The following GRID2 variants were observed in gnomAD, a reference collection of about 807,000 sequenced individuals.
The protein encoded by GRID2 is glutamate receptor ionotropic, delta-2.
Under a neutral mutation model 114.8 loss-of-function variants are expected in GRID2, and 33 were observed. That is an observed-to-expected ratio of 0.29 (90% CI 0.22 to 0.38). The LOEUF (loss-of-function observed/expected upper bound fraction) is 0.38. Ranked by LOEUF, GRID2 falls within the 10% of genes least tolerant of loss-of-function variation. GRID2 has a pLI of 1.00. For synonymous variants in GRID2, 505 were observed against 449.9 expected (o/e 1.12, Z -1.55); for missense variants, 1,184 against 1,257.7 (o/e 0.94, Z 0.89).
At chr4:93,680,541 C>G (rs1725413861) in intron 14 of GRID2, among the ~76,000 whole-genome samples, 1 of 151,418 alleles carries the variant, frequency 6.6e-6, no homozygotes, top group Admixed American at 6.6e-5. Flanking sequence ...AAAATACTGG[C>G]AAACCGAATC....
At chr4:92,613,965 A>G (rs746127763) in intron 2 of GRID2, among the ~76,000 whole-genome samples, 3 of 151,538 alleles carry the variant, frequency 2.0e-5, no homozygotes, top group Non-Finnish European at 4.4e-5. Flanking sequence ...GTTGAGATAC[A>G]TATAATATAT....
chr4:92,574,800 T>TG (rs1278037986), intron 1 of GRID2, among the ~76,000 whole-genome samples: 1 of 152,144 alleles, frequency 6.6e-6, no homozygotes, highest in African/African-American at 2.4e-5. Context: ...TTATGTGTCT[T>TG]GGGGATGATC....
At chr4:92,913,388 G>A (rs1160039984) in intron 2 of GRID2, among the ~76,000 whole-genome samples, 3 of 151,820 alleles carry the variant, frequency 2.0e-5, no homozygotes, top group Non-Finnish European at 4.4e-5. Context: ...TTATTGTTAC[G>A]TTTTTGTCTG....
intron 8 of GRID2, among the ~76,000 whole-genome samples, chr4:93,337,951 C>T (rs1490696478): frequency 6.6e-6 from 1 of 152,168 alleles, no homozygotes; most frequent in Non-Finnish European, 1.5e-5. Flanking sequence ...TAGTCCCTCT[C>T]CTCAGAAGTA....
intron 2 of GRID2, among the ~76,000 whole-genome samples, chr4:93,037,777 C>G (rs1321050020): frequency 6.6e-6 from 1 of 152,114 alleles, no homozygotes; most frequent in Non-Finnish European, 1.5e-5. Context: ...TCTGAGGCCT[C>G]TGTTCTGTTC....
chr4:93,191,067 A>G (rs1340558020), intron 4 of GRID2, among the ~76,000 whole-genome samples: 2 of 152,118 alleles, frequency 1.3e-5, no homozygotes, highest in Non-Finnish European at 2.9e-5. Context: ...AAAATTTCAG[A>G]TAAAGTTGAT....
intron 12 of GRID2, among the ~76,000 whole-genome samples, chr4:93,512,674 A>G (rs1210937276): frequency 6.6e-6 from 1 of 152,190 alleles, no homozygotes. Context: ...TGCTATTCTA[A>G]ACTTGAAGTA....
intron 2 of GRID2, among the ~76,000 whole-genome samples, chr4:92,873,080 T>C (rs931283740): frequency 6.6e-6 from 1 of 152,136 alleles, no homozygotes; most frequent in African/African-American, 2.4e-5. Flanking sequence ...AATAAAGAAA[T>C]TGGACTATGA....
At chr4:92,440,833 A>G (rs1163786008) in intron 1 of GRID2, among the ~76,000 whole-genome samples, 1 of 152,166 alleles carries the variant, frequency 6.6e-6, no homozygotes, top group African/African-American at 2.4e-5. Flanking sequence ...GGTATCAGGA[A>G]TAATGTGGGA....
At chr4:93,381,580 T>C (rs796811709) in intron 8 of GRID2, among the ~76,000 whole-genome samples, 2 of 152,252 alleles carry the variant, frequency 1.3e-5, no homozygotes, top group African/African-American at 2.4e-5. Context: ...ATATTTTCTA[T>C]AGCTATTACA....
intron 2 of GRID2, among the ~76,000 whole-genome samples, chr4:92,730,781 C>A (rs1736293410): frequency 6.6e-6 from 1 of 151,834 alleles, no homozygotes; most frequent in African/African-American, 2.4e-5. Flanking sequence ...TTGGCTGGTG[C>A]AAGCGAATAA....
At chr4:92,439,033 G>A (rs1440960758) in intron 1 of GRID2, among the ~76,000 whole-genome samples, 2 of 152,104 alleles carry the variant, frequency 1.3e-5, no homozygotes, top group African/African-American at 2.4e-5. Context: ...GGGGGCAGGT[G>A]GGCTGAGTCC....
intron 1 of GRID2, among the ~76,000 whole-genome samples, chr4:92,447,062 T>G (rs561789034): frequency 6.6e-6 from 1 of 152,300 alleles, no homozygotes; most frequent in Non-Finnish European, 1.5e-5. Flanking sequence ...TTTATCCTCT[T>G]TAAAAGTACT....
intron 2 of GRID2, among the ~76,000 whole-genome samples, chr4:92,993,291 T>TA (rs576389929): frequency 4.9e-3 from 693 of 140,786 alleles, no homozygotes; most frequent in African/African-American, 7.0e-3. Context: ...ATAGTAGCAT[T>TA]AAAAAAAAAA....
intron 2 of GRID2, among the ~76,000 whole-genome samples, chr4:92,759,057 A>G (rs945188355): frequency 4.6e-5 from 7 of 152,186 alleles, no homozygotes; most frequent in African/African-American, 1.4e-4. Context: ...GATGTCCACA[A>G]ATAAAAGTAA....
chr4:93,307,261 T>G (rs1411815393), intron 8 of GRID2, among the ~76,000 whole-genome samples: 1 of 151,466 alleles, frequency 6.6e-6, no homozygotes, highest in Non-Finnish European at 1.5e-5. Flanking sequence ...AAATAACCTA[T>G]TGTGGTATTG....
At chr4:92,485,812 A>C (rs1722858726) in intron 1 of GRID2, among the ~76,000 whole-genome samples, 1 of 152,162 alleles carries the variant, frequency 6.6e-6, no homozygotes, top group African/African-American at 2.4e-5. Flanking sequence ...GCTCTGCATT[A>C]ATTTTATGTT....
chr4:93,664,771 T>A (rs879509097), intron 14 of GRID2, among the ~76,000 whole-genome samples: 1 of 152,172 alleles, frequency 6.6e-6, no homozygotes, highest in African/African-American at 2.4e-5. Context: ...TCTTGGGCAT[T>A]AACTCAGCAC....
intron 14 of GRID2, among the ~76,000 whole-genome samples, chr4:93,685,400 C>T (rs1288092474): frequency 6.6e-6 from 1 of 152,086 alleles, no homozygotes; most frequent in Non-Finnish European, 1.5e-5. Context: ...TTCCTTGACT[C>T]CTGGAACTGA....
Sources: allele counts gnomAD v4.1 joint callset (sites outside exome capture counted in the v4.1 genomes callset), GRCh38; gene constraint gnomAD v4.1.1; transcripts MANE v1.5; gene names NCBI Gene and HGNC (gene_info 2026-07-23, HGNC 2026-07-21).